Variants in CD274 observed in about 807,000 individuals in gnomAD.
CD274 encodes the protein programmed cell death 1 ligand 1.
Under a neutral mutation model 30.1 loss-of-function variants are expected in CD274, and 8 were observed. The observed-to-expected ratio is 0.27, with a 90% confidence interval of 0.16 to 0.48. The LOEUF (loss-of-function observed/expected upper bound fraction) is 0.48, where lower values mean the gene tolerates loss of function less well. CD274 is among the 20% of genes least tolerant of loss of function. The pLI, the probability that CD274 is intolerant of heterozygous loss-of-function variation, is 0.99. For missense variants in CD274, 353 were observed against 346.6 expected, an observed-to-expected ratio of 1.02 and a Z score of -0.15; for synonymous variants, 152 against 124.6, an observed-to-expected ratio of 1.22 and a Z score of -1.46.
chr9:5,466,937 G>T (rs1819506900), intron 6 of CD274, 108 bp downstream of exon 6: 2 of 789,342 alleles, frequency 2.5e-6, no homozygotes, highest in African/African-American at 1.8e-5. Flanking sequence ...TTTAAAGAAT[G>T]CTGGTTCCCC....
In CD274 at chr9:5,465,575, A is replaced by G. The variant is rs1334545712; in HGVS notation, c.759A>G (p.Val253=). The part of the protein sequence containing the change: ...ILGAILLCLG[V]ALTFIFRLRK... ...GAGCCATCTTATTATGCCTTGGTGT[A>G]GCACTGACATTCATCTTCCGTTTAA... Residue 253 remains valine, a synonymous_variant, in exon 5 of 7, where the codon GTA becomes GTG. Coordinates refer to ENST00000381577, the MANE Select transcript of CD274 (RefSeq NM_014143.4). 6.2e-7 allele frequency: 1 copy of G among 1,605,932 alleles called. No individual in the cohort carries two copies. Among genetic ancestry groups the G allele is most frequent in the Non-Finnish European group, 8.5e-7 (1 of 1,172,622 alleles).
At chr9:5,451,730 C>A (rs771272061) in intron 1 of CD274, among the ~76,000 whole-genome samples, 1 of 152,180 alleles carries the variant, frequency 6.6e-6, no homozygotes, top group Non-Finnish European at 1.5e-5. Flanking sequence ...ACAAGAGTGT[C>A]TCAGTGTGAC....
At chr9:5,466,307 T>C (rs1475261571) in intron 5 of CD274, among the ~76,000 whole-genome samples, 2 of 151,772 alleles carry the variant, frequency 1.3e-5, no homozygotes, top group Non-Finnish European at 2.9e-5. Context: ...ACTGAGAGAG[T>C]AGAGATAAGC....
At chr9:5,457,530 G>A (rs1270250390) in intron 3 of CD274, 110 bp downstream of exon 3, 4 of 799,156 alleles carry the variant, frequency 5.0e-6, no homozygotes, top group Non-Finnish European at 5.9e-6. Context: ...GAACAGCATA[G>A]TCTGTTCATT....
At chr9:5,458,157 T>A (rs1023049625) in intron 3 of CD274, among the ~76,000 whole-genome samples, 5 of 152,184 alleles carry the variant, frequency 3.3e-5, no homozygotes, top group Admixed American at 1.3e-4. Context: ...TGTTATCAGG[T>A]CACTTGAGTT....
At chr9:5,454,503 T>C (rs956360808) in intron 1 of CD274, among the ~76,000 whole-genome samples, 1 of 152,186 alleles carries the variant, frequency 6.6e-6, no homozygotes, top group Non-Finnish European at 1.5e-5. Flanking sequence ...CATGTACATA[T>C]GCTGAATTCA....
chr9:5,469,039 G>A lies in CD274; in HGVS notation c.*1177G>A. 4.3e-6 allele frequency: 1 copy of A among 233,078 alleles called. No individual in the cohort carries two copies. Among genetic ancestry groups the A allele is most frequent in the South Asian group, 1.8e-4 (1 of 5,518 alleles). 14.4% of individuals were successfully genotyped at this position (233,078 alleles called of 1,614,324 possible). On this transcript the variant is annotated 3_prime_UTR_variant, in exon 7 of 7. Coordinates refer to ENST00000381577, the MANE Select transcript of CD274 (RefSeq NM_014143.4). ...TCATAGCATAAGGATGATGCGAGGGGAAAACCCGAGCAGTGTTGCCAAGAG... is the reference window on the plus strand; with the variant it reads ...TCATAGCATAAGGATGATGCGAGGGAAAAACCCGAGCAGTGTTGCCAAGAG...
In CD274 at chr9:5,468,117, C is replaced by A. The variant is rs1316588860; in HGVS notation, c.*255C>A. 1.9e-6 allele frequency: 1 copy of A among 513,434 alleles called. No homozygotes were observed. Among genetic ancestry groups the A allele is most frequent in the East Asian group, 3.1e-5 (1 of 32,750 alleles). The allele number at this position is 513,434 out of a possible 1,614,324, so 31.8% of individuals were successfully genotyped here. A position where few individuals can be genotyped will look rare whatever the true frequency, so the allele number is the denominator to read the frequency against. ...CTGAGGGGCTCATCGACGCCTGTGA[C>A]AGGGAGAAAGGATACTTCTGAACAA... On this transcript the variant is annotated 3_prime_UTR_variant, in exon 7 of 7. Coordinates refer to ENST00000381577, the MANE Select transcript of CD274 (RefSeq NM_014143.4).
chr9:5,456,808 A>T (rs1293300198), intron 2 of CD274, among the ~76,000 whole-genome samples: 1 of 152,232 alleles, frequency 6.6e-6, no homozygotes, highest in African/African-American at 2.4e-5. Flanking sequence ...ATCTCCATAT[A>T]ATATTTATAC....
chr9:5,452,613 A>T (rs1328376618), intron 1 of CD274, among the ~76,000 whole-genome samples: 2 of 152,236 alleles, frequency 1.3e-5, no homozygotes, highest in African/African-American at 4.8e-5. Flanking sequence ...GTGTATTTAC[A>T]TGATCTTTGT....
At position 5,467,974 on chromosome 9, in the gene CD274, T is replaced by C. The variant is rs765751290; in HGVS notation, c.*112T>C. ...GAATGGGCCCGTGGGATGCAGGCAATGTGGGACTTAAAAGGCCCAAGCACT... is the reference window on the plus strand; with the variant it reads ...GAATGGGCCCGTGGGATGCAGGCAACGTGGGACTTAAAAGGCCCAAGCACT... On this transcript the variant is annotated 3_prime_UTR_variant, in exon 7 of 7. Coordinates refer to ENST00000381577, the MANE Select transcript of CD274 (RefSeq NM_014143.4). The C allele has an allele frequency of 3.6e-5, 33 of 913,032 alleles. No homozygotes were observed. The highest frequency in any genetic ancestry group is 5.8e-5 in the Non-Finnish European group (32 of 554,070). 56.6% of individuals were successfully genotyped at this position (913,032 alleles called of 1,614,324 possible).
At chr9:5,456,720 G>A (rs2131210038) in intron 2 of CD274, among the ~76,000 whole-genome samples, 1 of 152,308 alleles carries the variant, frequency 6.6e-6, no homozygotes, top group Middle Eastern at 3.4e-3. Context: ...CTCTATGTAG[G>A]AAGCAAATAG....
rs369350813 is a variant in CD274 at position 5,467,858 on chromosome 9, C to T, written c.869C>T (p.Thr290Met). Residue 290 changes from threonine (T) to methionine (M), a missense_variant, in exon 7 of 7, where the codon ACG becomes ATG. By Grantham distance (81) the Thr-to-Met change is moderately conservative. Coordinates refer to ENST00000381577, the MANE Select transcript of CD274 (RefSeq NM_014143.4). ...KKQSDTHLEE[T>M] ...TCTCCAGATACACATTTGGAGGAGA[C>T]GTAATCCAGCATTGGAACTTCTGAT... The T allele has an allele frequency of 1.9e-5, 31 of 1,609,638 alleles. No homozygotes were observed. The highest frequency in any genetic ancestry group is 1.6e-4 in the Middle Eastern group (1 of 6,080).
chr9:5,457,729 A>T (rs571577834), intron 3 of CD274, among the ~76,000 whole-genome samples: 1 of 152,320 alleles, frequency 6.6e-6, no homozygotes, highest in African/African-American at 2.4e-5. Flanking sequence ...AATAATTCAG[A>T]TACTGTGGAA....
chr9:5,466,940 G>C (rs1256377560), intron 6 of CD274, 111 bp downstream of exon 6: 1 of 773,304 alleles, frequency 1.3e-6, no homozygotes. Context: ...AAAGAATGCT[G>C]GTTCCCCTTT....
In CD274 at chr9:5,462,943, A is replaced by C; in HGVS notation, c.504A>C (p.Thr168=). ...EGYPKAEVIW[T]SSDHQVLSGK... is the part of the protein sequence containing the mutation. The stretch of plus-strand genomic sequence containing the variant: ...ACCCCAAGGCCGAAGTCATCTGGAC[A>C]AGCAGTGACCATCAAGTCCTGAGTG... Residue 168 remains threonine, a synonymous_variant, in exon 4 of 7, where the codon ACA becomes ACC. Coordinates refer to ENST00000381577, the MANE Select transcript of CD274 (RefSeq NM_014143.4). The C allele has an allele frequency of 6.2e-7, 1 of 1,614,118 alleles. No individual in the cohort carries two copies. The highest frequency in any genetic ancestry group is 8.5e-7 in the Non-Finnish European group (1 of 1,179,962).
chr9:5,453,993 C>G (rs1224890868), intron 1 of CD274, among the ~76,000 whole-genome samples: 4 of 152,120 alleles, frequency 2.6e-5, no homozygotes, highest in Non-Finnish European at 5.9e-5. Context: ...TTTTCCCCTT[C>G]TTTTCTTATT....
intron 3 of CD274, among the ~76,000 whole-genome samples, chr9:5,461,911 T>C (rs1289313740): frequency 6.6e-6 from 1 of 152,036 alleles, no homozygotes; most frequent in Non-Finnish European, 1.5e-5. Flanking sequence ...GTATCCTAGA[T>C]AGCATCCCAG....
intron 3 of CD274, among the ~76,000 whole-genome samples, chr9:5,459,021 G>A (rs1819356584): frequency 6.6e-6 from 1 of 152,198 alleles, no homozygotes; most frequent in Non-Finnish European, 1.5e-5. Context: ...TCATCAGCCT[G>A]TAGGGAGTGT....
Sources: allele counts gnomAD v4.1 joint callset (sites outside exome capture counted in the v4.1 genomes callset), GRCh38; gene constraint gnomAD v4.1.1; transcripts MANE v1.5; gene names NCBI Gene and HGNC (gene_info 2026-07-23, HGNC 2026-07-21).